Variants in ATXN3 observed in about 807,000 individuals in gnomAD.
The protein encoded by ATXN3 is ataxin-3.
Under a neutral mutation model 58.2 loss-of-function variants are expected in ATXN3, and 28 were observed. That is an observed-to-expected ratio of 0.48 (90% CI 0.36 to 0.66). The LOEUF (loss-of-function observed/expected upper bound fraction) is 0.66, where lower values mean the gene tolerates loss of function less well. Ranked by LOEUF, ATXN3 falls within the 30% of genes least tolerant of loss-of-function variation. The probability of loss-of-function intolerance (pLI) is 0.00; values close to 1 mark genes in which losing one functional copy is unlikely to be tolerated. For synonymous variants in ATXN3, 113 were observed against 138.5 expected (o/e 0.82, Z 1.29); for missense variants, 321 against 422.1 (o/e 0.76, Z 2.10).
At chr14:92,068,664 T>C (rs2006047) in intron 10 of ATXN3, among the ~76,000 whole-genome samples, 68,490 of 151,932 alleles carry the variant, frequency 0.45, 16,669 homozygotes, top group African/African-American at 0.64. Context: ...AATCTCAGCT[T>C]ACTGCAACCT....
rs576137883 is a variant in ATXN3, at chr14:92,078,612, C to T, written c.872+2353G>A. ...TCCTGATCTCAGGTGATCTGCCCACCTCAGCCTCCCAAAGTGCTGGGATTA... is the reference window on the plus strand; with the variant it reads ...TCCTGATCTCAGGTGATCTGCCCACTTCAGCCTCCCAAAGTGCTGGGATTA... On this transcript the variant is annotated intron_variant, in intron 9 of 10. Coordinates refer to ENST00000644486, the MANE Select transcript of ATXN3 (RefSeq NM_004993.6). 6.3e-3 allele frequency among the ~76,000 whole-genome samples: 954 copies of T among 152,214 alleles called. 12 individuals are homozygous for T. The highest frequency in any genetic ancestry group is 0.021 in the African/African-American group (882 of 41,528).
chr14:92,076,444 G>A (rs534632654), intron 9 of ATXN3, among the ~76,000 whole-genome samples: 2 of 124,260 alleles, frequency 1.6e-5, no homozygotes, highest in East Asian at 2.6e-4. Flanking sequence ...GCGAGACCTC[G>A]TCTCAAAAAA....
chr14:92,103,958 T>G (rs1053704924), intron 1 of ATXN3, among the ~76,000 whole-genome samples: 1 of 152,176 alleles, frequency 6.6e-6, no homozygotes, highest in Non-Finnish European at 1.5e-5. Context: ...ATTCCCAGAA[T>G]GGACTGTATA....
In ATXN3 at chr14:92,064,348, T is replaced by G; in HGVS notation, c.1058A>C (p.Asn353Thr). The G allele has an allele frequency of 1.2e-6, 2 of 1,612,320 alleles. No homozygotes were observed. The highest frequency in any genetic ancestry group is 1.3e-5 in the African/African-American group (1 of 75,006). Residue 353 changes from asparagine (N) to threonine (T), a missense_variant, in exon 11 of 11, where the codon AAT becomes ACT. This residue lies in a region of ATXN3 where 200 missense variants were observed against 223.2 expected (regional missense o/e 0.90). Transcript: ENST00000644486. ...AVTMSLETVRNDLKTEGKK is the reference protein window; with the variant it reads ...AVTMSLETVRTDLKTEGKK Reference sequence around the variant, plus strand: ...TTTTTTTCCTTCTGTTTTCAAATCATTTCTGACAGTTTCTAAAGACATGGT... The same window carrying G: ...TTTTTTTCCTTCTGTTTTCAAATCAGTTCTGACAGTTTCTAAAGACATGGT...
intron 1 of ATXN3, among the ~76,000 whole-genome samples, chr14:92,099,603 T>A (rs1242599464): frequency 6.6e-6 from 1 of 152,220 alleles, no homozygotes; most frequent in Non-Finnish European, 1.5e-5. Context: ...CTGCGGTGGC[T>A]CATGCCTGTA....
intron 9 of ATXN3, among the ~76,000 whole-genome samples, chr14:92,075,271 T>C (rs1413251787): frequency 1.3e-5 from 2 of 151,336 alleles, no homozygotes; most frequent in African/African-American, 4.9e-5. Context: ...TTCAAGTGAT[T>C]CTCCTGCCTC....
chr14:92,053,622 G>T (rs1021392530), downstream of ATXN3, among the ~76,000 whole-genome samples: 1 of 151,242 alleles, frequency 6.6e-6, no homozygotes, highest in Non-Finnish European at 1.5e-5. Flanking sequence ...TCAGCCTCCC[G>T]AATAGCTGGG....
chr14:92,057,697 G>A, downstream of ATXN3, among the ~76,000 whole-genome samples: 1 of 151,926 alleles, frequency 6.6e-6, no homozygotes, highest in East Asian at 1.9e-4. Context: ...TAAAATTTGA[G>A]GACAATATAT....
upstream of ATXN3, among the ~76,000 whole-genome samples, chr14:92,051,947 G>A (rs2057450259): frequency 2.0e-5 from 3 of 150,598 alleles, no homozygotes; most frequent in South Asian, 4.2e-4. Context: ...GGCTGGTCTC[G>A]AACTCCTGAC....
rs1242397267 is a variant in ATXN3 at position 92,064,005 on chromosome 14, A to G, written c.*315T>C. On this transcript the variant is annotated 3_prime_UTR_variant, in exon 11 of 11. Coordinates refer to ENST00000644486, the MANE Select transcript of ATXN3 (RefSeq NM_004993.6). Reference sequence around the variant, plus strand: ...AGCCTGAGGCGAGAGCTAATTAGCTAGTCTGCAAAAAGATCCAAGAAAAAT... The same window carrying G: ...AGCCTGAGGCGAGAGCTAATTAGCTGGTCTGCAAAAAGATCCAAGAAAAAT... The G allele has an allele frequency of 5.8e-6, 1 of 171,476 alleles. No homozygotes were observed. Among genetic ancestry groups the G allele is most frequent in the African/African-American group, 2.4e-5 (1 of 42,044 alleles). 10.6% of individuals were successfully genotyped at this position (171,476 alleles called of 1,614,324 possible).
upstream of ATXN3, among the ~76,000 whole-genome samples, chr14:92,052,266 G>A (rs192835302): frequency 0.02 from 3,037 of 151,758 alleles, 90 homozygotes; most frequent in African/African-American, 0.061. Context: ...AGGCTGAGGC[G>A]GGCGGATCAC....
At chr14:92,072,670 C>A (rs1595603951) in intron 9 of ATXN3, among the ~76,000 whole-genome samples, 1 of 93,788 alleles carries the variant, frequency 1.1e-5, no homozygotes, top group Non-Finnish European at 2.1e-5. Context: ...AAACAGCTGA[C>A]AATCTCAGTG....
chr14:92,106,576 C>T lies in ATXN3; in HGVS notation c.-24G>A, dbSNP rs1271349899. ...ATGTTTATTTGTCTGGAGCCAACGGCCCCCACGCCGAACCACCCCCTCCAG... is the reference window on the plus strand; with the variant it reads ...ATGTTTATTTGTCTGGAGCCAACGGTCCCCACGCCGAACCACCCCCTCCAG... On this transcript the variant is annotated 5_prime_UTR_variant, in exon 1 of 11. Coordinates refer to ENST00000644486, the MANE Select transcript of ATXN3 (RefSeq NM_004993.6). 1.2e-6 allele frequency: 2 copies of T among 1,611,790 alleles called. No individual in the cohort carries two copies.
At position 92,067,908 on chromosome 14, in the gene ATXN3, T is replaced by C. The variant is rs532679042; in HGVS notation, c.991+3027A>G. Among the ~76,000 whole-genome samples the C allele has an allele frequency of 9.2e-5, 14 of 152,292 alleles. No homozygotes were observed. The South Asian group carries it at 2.9e-3, about 32-fold the overall frequency. On this transcript the variant is annotated intron_variant, in intron 10 of 10. Transcript: ENST00000644486. ...GAGTGGCGGTCATGGGGATTACTGCTGAACGCACATGGGAGTTCTAGCCCC... is the reference window on the plus strand; with the variant it reads ...GAGTGGCGGTCATGGGGATTACTGCCGAACGCACATGGGAGTTCTAGCCCC...
intron 6 of ATXN3, among the ~76,000 whole-genome samples, chr14:92,086,960 ATAGGC>A: frequency 1.3e-5 from 2 of 152,294 alleles, no homozygotes; most frequent in East Asian, 3.9e-4. Flanking sequence ...ATCTATTTAA[ATAGGC>A]TCAAAGCACA....
chr14:92,058,570 C>G lies in ATXN3; in HGVS notation c.*5750G>C, dbSNP rs2057524228. On this transcript the variant is annotated 3_prime_UTR_variant, in exon 11 of 11. Transcript: ENST00000644486. ...AAGGAAATAGAAAAGCAAACATTAT[C>G]TTTATTTAATAATCTTTGATATTTA... 2 of 152,160 alleles carry G rather than the reference C, an allele frequency of 1.3e-5. No individual in the cohort carries two copies. Among genetic ancestry groups the G allele is most frequent in the Non-Finnish European group, 2.9e-5 (2 of 68,032 alleles). The allele number at this position is 152,160 out of a possible 1,614,324, so 9.4% of individuals were successfully genotyped here.
chr14:92,070,882 T>A lies in ATXN3; in HGVS notation c.991+53A>T, dbSNP rs778112508. 3.1e-6 allele frequency: 5 copies of A among 1,613,784 alleles called. No homozygotes were observed. The African/African-American group carries it at 6.7e-5, about 22-fold the overall frequency. ...AAGCAAAAATCACATGGAGCTCGTA[T>A]GTCAGATAAAGTGTGAAGGTAGCGA... On this transcript the variant is annotated intron_variant, in intron 10 of 10. Transcript: ENST00000644486.
chr14:92,082,137 G>A (rs117601173), intron 8 of ATXN3, among the ~76,000 whole-genome samples, 163 bp downstream of exon 8: 18 of 152,304 alleles, frequency 1.2e-4, no homozygotes, highest in Non-Finnish European at 2.4e-4. Context: ...TGTAAAAAGT[G>A]ATTTCCATTA....
intron 10 of ATXN3, among the ~76,000 whole-genome samples, chr14:92,066,097 A>T (rs116816718): frequency 6.6e-6 from 1 of 151,226 alleles, no homozygotes; most frequent in African/African-American, 2.4e-5. Flanking sequence ...TACTAAAAAA[A>T]AAATAAATAA....
Sources: allele counts gnomAD v4.1 joint callset (sites outside exome capture counted in the v4.1 genomes callset), GRCh38; gene constraint gnomAD v4.1.1; regional missense constraint gnomAD v4.1.1; transcripts MANE v1.5; gene names NCBI Gene and HGNC (gene_info 2026-07-23, HGNC 2026-07-21).